Variants in PCDHA9 observed in about 807,000 individuals in gnomAD.
PCDHA9 encodes protocadherin alpha 9.
In PCDHA9, 62 loss-of-function variants were observed where a neutral mutation model predicts 62.0. That is an observed-to-expected ratio of 1.00 (90% CI 0.81 to 1.23). PCDHA9 has a LOEUF of 1.23. PCDHA9 is among the 50% of genes most tolerant of loss of function. PCDHA9 has a pLI of 0.00. For synonymous variants in PCDHA9, 557 were observed against 567.6 expected (o/e 0.98, Z 0.27); for missense variants, 1,205 against 1,249.8 (o/e 0.96, Z 0.54).
intron 1 of PCDHA9, chr5:140,867,266 A>G (rs553827522): frequency 2.6e-5 from 4 of 152,196 alleles, no homozygotes; most frequent in African/African-American, 9.6e-5. Flanking sequence ...CTTTTGTTCA[A>G]AATAAACCTG....
At chr5:140,880,403 T>C (rs1474959731) in intron 1 of PCDHA9, among the ~76,000 whole-genome samples, 1 of 152,186 alleles carries the variant, frequency 6.6e-6, no homozygotes, top group Non-Finnish European at 1.5e-5. Flanking sequence ...GAGCATATGG[T>C]TGACCTTAAA....
chr5:140,983,207 T>A (rs999147697), intron 3 of PCDHA9, among the ~76,000 whole-genome samples: 1 of 152,236 alleles, frequency 6.6e-6, no homozygotes, highest in Non-Finnish European at 1.5e-5. Flanking sequence ...TAATAGGGAC[T>A]ATTTCCTAAT....
chr5:140,891,440 G>T (rs1583052190), intron 1 of PCDHA9, among the ~76,000 whole-genome samples: 1 of 147,558 alleles, frequency 6.8e-6, no homozygotes, highest in Admixed American at 6.9e-5. Flanking sequence ...AACGTCCATT[G>T]TATAGGATTT....
At chr5:140,919,658 T>G (rs1271844986) in intron 1 of PCDHA9, among the ~76,000 whole-genome samples, 1 of 152,230 alleles carries the variant, frequency 6.6e-6, no homozygotes, top group South Asian at 2.1e-4. Context: ...GTTTACCATA[T>G]ATATTTTAGC....
At position 140,882,396 on chromosome 5, in the gene PCDHA9, C is replaced by G; in HGVS notation, c.2394+31507C>G. The G allele has an allele frequency of 1.9e-6, 3 of 1,614,196 alleles. No homozygotes were observed. In the South Asian group the frequency reaches 3.3e-5, roughly 18 times the overall value. On this transcript the variant is annotated intron_variant, in intron 1 of 3. Transcript: ENST00000532602. ...GTCCCCGAGGAAGCAAAACACGGCA[C>G]CTTCGTGGGCCGCATCGCTCAGGAC...
intron 1 of PCDHA9, among the ~76,000 whole-genome samples, chr5:140,898,789 C>T (rs1424905656): frequency 6.6e-6 from 1 of 152,162 alleles, no homozygotes; most frequent in Non-Finnish European, 1.5e-5. Context: ...GCAGTATGGC[C>T]ATTTTCACGA....
intron 1 of PCDHA9, chr5:140,868,934 G>T: frequency 2.7e-6 from 3 of 1,116,548 alleles, no homozygotes; most frequent in African/African-American, 1.6e-5. Context: ...TTTAAAGGTT[G>T]GTCTGAACAG....
chr5:140,850,194 A>G lies in PCDHA9; in HGVS notation c.1699A>G (p.Thr567Ala), dbSNP rs1581216724. ...DENDNAPALL[T>A]PRMRGTDGAV... The stretch of plus-strand genomic sequence containing the variant: ...GAACGACAATGCGCCGGCGCTGCTG[A>G]CACCTCGGATGAGGGGCACTGACGG... The change falls in exon 1 of 4, where the codon ACA (threonine) becomes GCA (alanine). Residue 567 changes from threonine to alanine, a missense_variant. This residue lies in a region of PCDHA9 where 887 missense variants were observed against 809.5 expected (regional missense o/e 1.10). Coordinates refer to ENST00000532602, the MANE Select transcript of PCDHA9 (RefSeq NM_031857.2). The G allele has an allele frequency of 1.3e-6, 2 of 1,592,988 alleles. No homozygotes were observed. The highest frequency in any genetic ancestry group is 2.3e-5 in the East Asian group (1 of 44,424).
chr5:140,997,107 C>T (rs1346636277), intron 3 of PCDHA9, among the ~76,000 whole-genome samples: 3 of 152,094 alleles, frequency 2.0e-5, no homozygotes, highest in African/African-American at 7.2e-5. Flanking sequence ...TCATGCACTC[C>T]TGCTCTCCCA....
In PCDHA9 at chr5:140,852,913, C is replaced by T. The variant is rs1049603873; in HGVS notation, c.2394+2024C>T. ...TTTTTTTTTGAGTCAGAGTCTCGCTCTGTTGCCCAGGCTGGAGTGCAGTGG... is the reference window on the plus strand; with the variant it reads ...TTTTTTTTTGAGTCAGAGTCTCGCTTTGTTGCCCAGGCTGGAGTGCAGTGG... On this transcript the variant is annotated intron_variant, in intron 1 of 3. Coordinates refer to ENST00000532602, the MANE Select transcript of PCDHA9 (RefSeq NM_031857.2). 2.0e-4 allele frequency: 157 copies of T among 789,674 alleles called. 4 individuals are homozygous for T. The highest frequency in any genetic ancestry group is 2.4e-4 in the Non-Finnish European group (154 of 638,000). 48.9% of individuals were successfully genotyped at this position (789,674 alleles called of 1,614,324 possible). A position where few individuals can be genotyped will look rare whatever the true frequency, so the allele number is the denominator to read the frequency against.
At chr5:140,946,249 C>T (rs930979647) in intron 1 of PCDHA9, among the ~76,000 whole-genome samples, 2 of 151,896 alleles carry the variant, frequency 1.3e-5, no homozygotes, top group Admixed American at 6.6e-5. Flanking sequence ...CATCATGAAT[C>T]ATCAGAAAAA....
At chr5:140,882,013 A>G (rs2058902739) in intron 1 of PCDHA9, 1 of 534,534 alleles carries the variant, frequency 1.9e-6, no homozygotes, top group African/African-American at 1.9e-5. Flanking sequence ...GCAAAAAAAT[A>G]CTACATCAAT....
chr5:140,976,623 A>T (rs2096725019), intron 1 of PCDHA9, among the ~76,000 whole-genome samples: 1 of 152,206 alleles, frequency 6.6e-6, no homozygotes, highest in Non-Finnish European at 1.5e-5. Context: ...CTGTCAGCTG[A>T]ACTCAGCAAT....
chr5:140,851,824 T>C (rs1336167909), intron 1 of PCDHA9: 1 of 964,578 alleles, frequency 1.0e-6, no homozygotes, highest in Non-Finnish European at 1.3e-6. Context: ...CAGAAATCTG[T>C]TTTTTTAAAA....
rs367685277 is a variant in PCDHA9 at position 140,871,336 on chromosome 5, G to A, written c.2394+20447G>A. 5.0e-6 allele frequency: 8 copies of A among 1,614,062 alleles called. No homozygotes were observed. The African/African-American group carries it at 9.3e-5, about 19-fold the overall frequency. On this transcript the variant is annotated intron_variant, in intron 1 of 3. Transcript: ENST00000532602. ...CACGCTGGTGTGCTCCCGCGCGGTG[G>A]GGAGCTGGTCATACTCGCAGCAGAG...
chr5:140,849,606 C>A lies in PCDHA9; in HGVS notation c.1111C>A (p.Leu371Met), dbSNP rs2150442387. Residue 371 changes from leucine to methionine, a missense_variant, in exon 1 of 4, where the codon CTG (leucine) becomes ATG (methionine). Leu to Met is a conservative substitution (Grantham distance 15). Around this residue, in one of 3 missense-constraint regions of PCDHA9, gnomAD observed 887 missense variants for 809.5 expected, o/e 1.10. Transcript: ENST00000532602. Reference protein sequence around the residue: ...EDAQLGTVIALISVIDLDADA... With the variant: ...EDAQLGTVIAMISVIDLDADA... ...CGCACAACTGGGGACAGTTATTGCC[C>A]TGATTAGTGTGATCGACCTAGACGC... 6.3e-7 allele frequency: 1 copy of A among 1,598,692 alleles called. No individual in the cohort carries two copies. Among genetic ancestry groups the A allele is most frequent in the East Asian group, 2.2e-5 (1 of 44,856 alleles).
Position 140,870,763 on chromosome 5 carries a change from G to C in PCDHA9, c.2394+19874G>C, listed in dbSNP as rs1386684596. The stretch of plus-strand genomic sequence containing the variant: ...CAGCAACGTGACGCTGCAGGTGTTC[G>C]TGCTGGACGAGAACGACAACGCGCC... On this transcript the variant is annotated intron_variant, in intron 1 of 3. Transcript: ENST00000532602. 1.1e-5 allele frequency: 18 copies of C among 1,613,434 alleles called. No individual in the cohort carries two copies. Among genetic ancestry groups the C allele is most frequent in the Admixed American group, 3.3e-5 (2 of 60,004 alleles).
In PCDHA9 at chr5:140,870,516, C is replaced by A. The variant is rs568100247; in HGVS notation, c.2394+19627C>A. The A allele has an allele frequency of 2.2e-4, 361 of 1,614,240 alleles. 3 individuals carry two copies. In the South Asian group the frequency reaches 3.8e-3, roughly 17 times the overall value. ...TGAAGGAGAACAACCCACCAGGCTG[C>A]CACATCTTCACAGTGTCGGCGCGGG... is the stretch of plus-strand genomic sequence containing the variant. On this transcript the variant is annotated intron_variant, in intron 1 of 3. Coordinates refer to ENST00000532602, the MANE Select transcript of PCDHA9 (RefSeq NM_031857.2).
chr5:140,896,847 A>G (rs892276664), intron 1 of PCDHA9, among the ~76,000 whole-genome samples: 5 of 152,064 alleles, frequency 3.3e-5, no homozygotes, highest in African/African-American at 4.8e-5. Flanking sequence ...TTTTAATTTT[A>G]TGGGTACATA....
Sources: allele counts gnomAD v4.1 joint callset (sites outside exome capture counted in the v4.1 genomes callset), GRCh38; gene constraint gnomAD v4.1.1; regional missense constraint gnomAD v4.1.1; transcripts MANE v1.5; gene names NCBI Gene and HGNC (gene_info 2026-07-23, HGNC 2026-07-21).